DROSHA: variants seen among roughly 807,000 people sequenced by gnomAD.
DROSHA encodes drosha ribonuclease III.
In DROSHA, 56 loss-of-function variants were observed where a neutral mutation model predicts 181.9. The observed-to-expected ratio is 0.31, with a 90% CI of 0.25 to 0.38. The LOEUF (loss-of-function observed/expected upper bound fraction) is 0.38, where lower values mean the gene tolerates loss of function less well. Ranked by LOEUF, DROSHA falls within the 10% of genes least tolerant of loss-of-function variation. The probability of loss-of-function intolerance (pLI) is 1.00; values close to 1 mark genes in which losing one functional copy is unlikely to be tolerated. For missense variants in DROSHA, 1,218 were observed against 1,743.5 expected, an observed-to-expected ratio of 0.70 and a Z score of 5.37; for synonymous variants, 524 against 591.2, an observed-to-expected ratio of 0.89 and a Z score of 1.65.
At chr5:31,483,489 G>T (rs10052174) in intron 16 of DROSHA, 65 bp downstream of exon 16, 1 of 1,548,384 alleles carries the variant, frequency 6.5e-7, no homozygotes, top group Admixed American at 1.7e-5. Context: ...AGACTGAAAG[G>T]AAAATGGCAA....
intron 16 of DROSHA, among the ~76,000 whole-genome samples, chr5:31,474,226 A>C (rs1013523387): frequency 2.0e-5 from 3 of 152,212 alleles, no homozygotes; most frequent in Non-Finnish European, 4.4e-5. Context: ...ATATCTACTA[A>C]TTCGTAGCAG....
chr5:31,506,587 AG>A (rs1342840752), intron 10 of DROSHA, among the ~76,000 whole-genome samples: 15 of 151,736 alleles, frequency 9.9e-5, no homozygotes, highest in Non-Finnish European at 2.1e-4. Flanking sequence ...CTAAGGCAGG[AG>A]AATCGCTTGA....
At chr5:31,424,335 A>G in intron 28 of DROSHA, 92 bp downstream of exon 28, 2 of 1,474,404 alleles carry the variant, frequency 1.4e-6, no homozygotes, top group Non-Finnish European at 1.9e-6. Flanking sequence ...GAGAATCAAA[A>G]GATAAAAGTG....
chr5:31,526,986 A>T (rs1170672086), intron 4 of DROSHA, 74 bp from the exon 5 acceptor site: 1 of 1,359,892 alleles, frequency 7.4e-7, no homozygotes, highest in Non-Finnish European at 9.9e-7. Flanking sequence ...GGTTTCATAA[A>T]TGCCTGACCA....
rs202101007 is a variant in DROSHA at position 31,472,064 on chromosome 5, G to A, written c.2240C>T (p.Thr747Met). ...CKGMIVTNPGTKPSSVRIDQL... is the reference protein window; with the variant it reads ...CKGMIVTNPGMKPSSVRIDQL... ...GAATATACAGACACCAGAACATACC[G>A]TCCCAGGGTTGGTAACAATCATGCC... The change falls in exon 17 of 36, where the codon ACG becomes ATG. Residue 747 changes from threonine to methionine, a missense_variant and splice_region_variant. Thr to Met is a moderately conservative substitution (Grantham distance 81). This residue lies in a region of DROSHA where 460 missense variants were observed against 774.2 expected (regional missense o/e 0.59). Transcript: ENST00000344624. 4.0e-5 allele frequency: 65 copies of A among 1,613,248 alleles called. No individual in the cohort carries two copies. Among genetic ancestry groups the A allele is most frequent in the Middle Eastern group, 1.6e-4 (1 of 6,080 alleles).
intron 11 of DROSHA, among the ~76,000 whole-genome samples, chr5:31,495,836 T>C (rs938707619): frequency 1.3e-5 from 2 of 152,154 alleles, no homozygotes; most frequent in Non-Finnish European, 2.9e-5. Context: ...ATGGGCCCAT[T>C]TGGGAGTCCC....
intron 20 of DROSHA, 33 bp from the exon 21 acceptor site, chr5:31,451,673 T>C: frequency 6.8e-7 from 1 of 1,470,564 alleles, no homozygotes; most frequent in Non-Finnish European, 9.3e-7. Context: ...TGTTTAACTT[T>C]ATAAAAACTT....
chr5:31,400,830 T>G lies in DROSHA; in HGVS notation c.*602A>C, dbSNP rs1013667713. Reference sequence around the variant, plus strand: ...TAGAATCATGATTTCTCTCCTATTCTAATGATTCAAAGAATCTGTATGACT... The same window carrying G: ...TAGAATCATGATTTCTCTCCTATTCGAATGATTCAAAGAATCTGTATGACT... On this transcript the variant is annotated 3_prime_UTR_variant, in exon 36 of 36. Transcript: ENST00000344624. 3.2e-5 allele frequency: 5 copies of G among 154,600 alleles called. No homozygotes were observed. The highest frequency in any genetic ancestry group is 1.2e-4 in the African/African-American group (5 of 41,490). The allele number at this position is 154,600 out of a possible 1,614,324, so 9.6% of individuals were successfully genotyped here. A position where few individuals can be genotyped will look rare whatever the true frequency, so the allele number is the denominator to read the frequency against.
chr5:31,472,925 A>G (rs933211318), intron 16 of DROSHA, among the ~76,000 whole-genome samples: 1 of 152,244 alleles, frequency 6.6e-6, no homozygotes, highest in African/African-American at 2.4e-5. Flanking sequence ...CAATTAATCT[A>G]GTATTTGATG....
At chr5:31,497,340 T>C (rs1753109574) in intron 11 of DROSHA, among the ~76,000 whole-genome samples, 1 of 152,168 alleles carries the variant, frequency 6.6e-6, no homozygotes, top group East Asian at 1.9e-4. Flanking sequence ...GCCTATGGTG[T>C]CACAATCCCA....
At chr5:31,464,446 C>G in intron 19 of DROSHA, 103 bp from the exon 20 acceptor site, 1 of 988,850 alleles carries the variant, frequency 1.0e-6, no homozygotes, top group South Asian at 1.5e-5. Flanking sequence ...AATATTACCC[C>G]TACATTCAGA....
intron 20 of DROSHA, among the ~76,000 whole-genome samples, chr5:31,453,542 T>C (rs1012685629): frequency 6.6e-6 from 1 of 152,168 alleles, no homozygotes; most frequent in African/African-American, 2.4e-5. Context: ...ATCTGTATCT[T>C]TGGAAGTTTT....
chr5:31,486,645 G>T, intron 13 of DROSHA, 83 bp from the exon 14 acceptor site: 1 of 1,212,972 alleles, frequency 8.2e-7, no homozygotes, highest in Non-Finnish European at 1.2e-6. Flanking sequence ...TGACCCAAAA[G>T]GCCATGAACC....
intron 29 of DROSHA, 87 bp from the exon 30 acceptor site, chr5:31,421,464 T>C: frequency 1.9e-6 from 2 of 1,075,860 alleles, no homozygotes; most frequent in Non-Finnish European, 2.8e-6. Flanking sequence ...AAGGAATGAC[T>C]TAAAAAGACA....
At chr5:31,462,476 AC>A (rs1205639857) in intron 20 of DROSHA, among the ~76,000 whole-genome samples, 3 of 152,070 alleles carry the variant, frequency 2.0e-5, no homozygotes, top group Non-Finnish European at 4.4e-5. Context: ...TTGCCTACCA[AC>A]CTCGAAACAG....
chr5:31,506,708 G>A (rs1159948220), intron 10 of DROSHA, among the ~76,000 whole-genome samples: 1 of 144,944 alleles, frequency 6.9e-6, no homozygotes. Flanking sequence ...AAAAAAAAAA[G>A]ACAAAAAAAA....
intron 30 of DROSHA, among the ~76,000 whole-genome samples, chr5:31,412,340 A>C (rs1210219500): frequency 6.6e-6 from 1 of 152,234 alleles, no homozygotes; most frequent in Non-Finnish European, 1.5e-5. Context: ...CTTCCTGCTA[A>C]GAAACATTCC....
chr5:31,414,069 C>G (rs1741661554), intron 30 of DROSHA, among the ~76,000 whole-genome samples: 1 of 152,152 alleles, frequency 6.6e-6, no homozygotes, highest in South Asian at 2.1e-4. Flanking sequence ...AAGGTGACCA[C>G]TGGGTGGACC....
intron 20 of DROSHA, 172 bp downstream of exon 20, chr5:31,464,064 C>G (rs1748741403): frequency 3.1e-6 from 2 of 642,480 alleles, no homozygotes; most frequent in Non-Finnish European, 2.7e-6. Flanking sequence ...AGCATCAAAA[C>G]AGACAACAAA....
Sources: gnomAD v4.1 joint callset for allele counts (sites outside exome capture counted in the v4.1 genomes callset) on GRCh38, gnomAD v4.1.1 for gene constraint, gnomAD v4.1.1 regional missense constraint, MANE v1.5 for transcripts, NCBI Gene and HGNC (gene_info 2026-07-23, HGNC 2026-07-21) for gene names.